CTNND2: variants seen among roughly 807,000 people sequenced by gnomAD.
CTNND2 encodes catenin delta-2.
A neutral mutation model predicts 144.4 loss-of-function variants in CTNND2; 22 were observed. The observed-to-expected ratio is 0.15, with a 90% CI of 0.11 to 0.22. The LOEUF is 0.22. Among genes scored for constraint, CTNND2 ranks in the 10% least tolerant of loss-of-function variants. The probability of loss-of-function intolerance (pLI) is 1.00; values close to 1 mark genes in which losing one functional copy is unlikely to be tolerated. For synonymous variants in CTNND2, 751 were observed against 695.6 expected (o/e 1.08, Z -1.25); for missense variants, 1,353 against 1,618.8 (o/e 0.84, Z 2.82).
At chr5:11,411,847 C>T (rs1036156368) in intron 4 of CTNND2, among the ~76,000 whole-genome samples, 188 bp downstream of exon 4, 14 of 152,178 alleles carry the variant, frequency 9.2e-5, no homozygotes, top group Admixed American at 7.2e-4. Context: ...CCTTGAAGAG[C>T]ATAGTTACTA....
intron 10 of CTNND2, among the ~76,000 whole-genome samples, chr5:11,224,307 G>C (rs1024876074): frequency 6.6e-6 from 1 of 152,090 alleles, no homozygotes; most frequent in Admixed American, 6.5e-5. Context: ...CATGAAAATG[G>C]AAAAATATAT....
At chr5:11,039,259 C>T (rs1326467270) in intron 16 of CTNND2, among the ~76,000 whole-genome samples, 1 of 152,210 alleles carries the variant, frequency 6.6e-6, no homozygotes, top group Non-Finnish European at 1.5e-5. Flanking sequence ...CTGCTGTTTG[C>T]CCAGCATGAC....
chr5:11,486,244 T>C (rs1260585757), intron 3 of CTNND2, among the ~76,000 whole-genome samples: 1 of 152,200 alleles, frequency 6.6e-6, no homozygotes, highest in Non-Finnish European at 1.5e-5. Flanking sequence ...TAATATCCAG[T>C]AGATCACACT....
At chr5:11,717,286 G>A (rs1786406946) in intron 2 of CTNND2, among the ~76,000 whole-genome samples, 4 of 151,978 alleles carry the variant, frequency 2.6e-5, no homozygotes, top group South Asian at 2.1e-4. Flanking sequence ...TAATAAAGAC[G>A]TACCTGGCAG....
chr5:11,181,925 ATGTGTGTGGTG>A (rs1441288641), intron 11 of CTNND2, among the ~76,000 whole-genome samples: 1 of 105,570 alleles, frequency 9.5e-6, no homozygotes, highest in Non-Finnish European at 1.9e-5. Context: ...TGTGGAGGCT[ATGTGTGTGGTG>A]TGTGTGTGGG....
intron 1 of CTNND2, among the ~76,000 whole-genome samples, chr5:11,819,555 TC>T (rs1433985715): frequency 6.6e-6 from 1 of 152,172 alleles, no homozygotes; most frequent in African/African-American, 2.4e-5. Flanking sequence ...GACCAGTGGA[TC>T]CACCCCTGTT....
intron 1 of CTNND2, among the ~76,000 whole-genome samples, chr5:11,899,521 C>A (rs145634197): frequency 6.6e-5 from 10 of 152,148 alleles, no homozygotes; most frequent in African/African-American, 2.4e-4. Context: ...AGCAAATCTG[C>A]ATAATGAAGC....
chr5:11,449,374 T>A (rs1331513272), intron 3 of CTNND2, among the ~76,000 whole-genome samples: 2 of 152,206 alleles, frequency 1.3e-5, no homozygotes, highest in Non-Finnish European at 2.9e-5. Flanking sequence ...GCTTTGACAA[T>A]AAGCACATGT....
At chr5:11,439,922 T>C (rs1764121109) in intron 3 of CTNND2, among the ~76,000 whole-genome samples, 1 of 152,030 alleles carries the variant, frequency 6.6e-6, no homozygotes, top group Non-Finnish European at 1.5e-5. Context: ...CCTCCCTCCC[T>C]GGTCTCCCAA....
At chr5:11,527,075 G>T (rs2150049198) in intron 3 of CTNND2, among the ~76,000 whole-genome samples, 1 of 152,266 alleles carries the variant, frequency 6.6e-6, no homozygotes, top group South Asian at 2.1e-4. Context: ...GGGGTTGGGG[G>T]AGAGCAGATG....
intron 3 of CTNND2, among the ~76,000 whole-genome samples, chr5:11,438,494 T>A (rs31827): frequency 0.047 from 7,215 of 152,264 alleles, 552 homozygotes; most frequent in African/African-American, 0.16. Flanking sequence ...ATATTAAAAA[T>A]CTGTACCTAA....
At chr5:11,814,241 T>G (rs1189906993) in intron 1 of CTNND2, among the ~76,000 whole-genome samples, 1 of 152,244 alleles carries the variant, frequency 6.6e-6, no homozygotes, top group Non-Finnish European at 1.5e-5. Flanking sequence ...ATCTGTATTT[T>G]GAAATGGAAT....
chr5:11,427,655 A>G (rs1762902287), intron 3 of CTNND2, among the ~76,000 whole-genome samples: 1 of 152,036 alleles, frequency 6.6e-6, no homozygotes, highest in Non-Finnish European at 1.5e-5. Flanking sequence ...AACATGACTG[A>G]CCTCAAATGA....
intron 1 of CTNND2, among the ~76,000 whole-genome samples, chr5:11,823,318 A>C (rs991970054): frequency 6.6e-6 from 1 of 152,162 alleles, no homozygotes; most frequent in Non-Finnish European, 1.5e-5. Context: ...GAGTTTGTGG[A>C]TTTGTGCTGG....
At chr5:11,139,339 A>G (rs894237758) in intron 12 of CTNND2, among the ~76,000 whole-genome samples, 11 of 152,204 alleles carry the variant, frequency 7.2e-5, no homozygotes, top group Admixed American at 3.3e-4. Context: ...ATCCCAGCAT[A>G]CTGCGTGTTA....
rs569357227 is a variant in CTNND2 at position 11,551,286 on chromosome 5, C to T, written c.287+13658G>A. On this transcript the variant is annotated intron_variant, in intron 3 of 21. Coordinates refer to ENST00000304623, the MANE Select transcript of CTNND2 (RefSeq NM_001332.4). ...TCTTTCCCTCTGAGCAATGCCTTTACCCCATTTCTTTCCCTGCCAATATTT... is the reference window on the plus strand; with the variant it reads ...TCTTTCCCTCTGAGCAATGCCTTTATCCCATTTCTTTCCCTGCCAATATTT... 7.3e-4 allele frequency among the ~76,000 whole-genome samples: 111 copies of T among 152,150 alleles called. 1 individual carries two copies. The highest frequency in any genetic ancestry group is 2.6e-3 in the African/African-American group (106 of 41,532).
rs35048441 is a variant in CTNND2 at position 11,094,480 on chromosome 5, C to CTT, written c.2637+4093_2637+4094dup. Among the ~76,000 whole-genome samples, 98 of 127,836 alleles carry CTT rather than the reference C, an allele frequency of 7.7e-4. 2 individuals carry two copies. The highest frequency in any genetic ancestry group is 1.0e-3 in the Non-Finnish European group (60 of 60,098). The allele number at this position is 127,836 out of a possible 152,430, so 83.9% of individuals were successfully genotyped here. On this transcript the variant is annotated intron_variant, in intron 15 of 21. Coordinates refer to ENST00000304623, the MANE Select transcript of CTNND2 (RefSeq NM_001332.4). The stretch of plus-strand genomic sequence containing the variant: ...ATGTGTCTGCTTACAAGAGTTCTTG[C>CTT]TTTTTTTTTTTTTTTTTTGAGATGG...
chr5:11,077,563 T>C (rs913030121), intron 16 of CTNND2, among the ~76,000 whole-genome samples: 3 of 152,106 alleles, frequency 2.0e-5, no homozygotes, highest in Non-Finnish European at 2.9e-5. Flanking sequence ...GGAGAGGTCA[T>C]AGGGAGCTTC....
chr5:11,000,413 C>G (rs557272088), intron 18 of CTNND2, among the ~76,000 whole-genome samples: 1 of 152,008 alleles, frequency 6.6e-6, no homozygotes, highest in Non-Finnish European at 1.5e-5. Context: ...CCCAGCTACT[C>G]GGGAGGCTGA....
Sources: allele counts gnomAD v4.1 joint callset (sites outside exome capture counted in the v4.1 genomes callset), GRCh38; gene constraint gnomAD v4.1.1; transcripts MANE v1.5; gene names NCBI Gene and HGNC (gene_info 2026-07-23, HGNC 2026-07-21).